Variants in PTPRR observed in about 807,000 individuals in gnomAD.
PTPRR encodes receptor-type tyrosine-protein phosphatase R.
Under a neutral mutation model 77.2 loss-of-function variants are expected in PTPRR, and 38 were observed. That is an observed-to-expected ratio of 0.49 (90% CI 0.38 to 0.65). The LOEUF is 0.65. Ranked by LOEUF, PTPRR falls within the 30% of genes least tolerant of loss-of-function variation. PTPRR has a pLI of 0.00. For missense variants in PTPRR, 744 were observed against 799.2 expected, an observed-to-expected ratio of 0.93 and a Z score of 0.83; for synonymous variants, 299 against 283.1, an observed-to-expected ratio of 1.06 and a Z score of -0.57.
rs145800470 is a variant in PTPRR, at chr12:70,639,211, G to C, written c.1947C>G (p.Ser649Arg). The part of the protein sequence containing the change: ...FVHHALCLYE[S>R]RLSAETVQ ...ACTGGACAGTCTCTGCTGAAAGTCT[G>C]CTCTCATACAGGCACAGAGCATGGT... The change falls in exon 14 of 14, where the codon AGC becomes AGG. Residue 649 changes from serine (S) to arginine (R), a missense_variant. Physicochemically the swap from Ser to Arg is moderately radical, Grantham distance 110. Transcript: ENST00000283228. The C allele has an allele frequency of 9.9e-6, 16 of 1,613,378 alleles. No individual in the cohort carries two copies. The African/African-American group carries it at 1.9e-4, about 19-fold the overall frequency.
At chr12:70,729,229 G>C (rs547475305) in intron 6 of PTPRR, among the ~76,000 whole-genome samples, 1 of 152,094 alleles carries the variant, frequency 6.6e-6, no homozygotes, top group East Asian at 1.9e-4. Context: ...TGCATTTAAT[G>C]AATATATTTA....
intron 4 of PTPRR, 114 bp downstream of exon 4, chr12:70,761,357 A>G: frequency 9.9e-7 from 1 of 1,012,376 alleles, no homozygotes; most frequent in African/African-American, 1.6e-5. Context: ...GGAAATTTTT[A>G]TTATCAAATA....
At chr12:70,879,157 C>G (rs1893105806) in intron 2 of PTPRR, among the ~76,000 whole-genome samples, 1 of 152,042 alleles carries the variant, frequency 6.6e-6, no homozygotes. Context: ...ATGTAAATGA[C>G]TAGTTAATGT....
chr12:70,753,348 A>T (rs577151229), intron 5 of PTPRR, among the ~76,000 whole-genome samples: 1 of 152,196 alleles, frequency 6.6e-6, no homozygotes, highest in Non-Finnish European at 1.5e-5. Flanking sequence ...GGGGCACTTA[A>T]AAACTAAGGA....
At chr12:70,752,529 A>G (rs988062806) in intron 5 of PTPRR, among the ~76,000 whole-genome samples, 1 of 152,156 alleles carries the variant, frequency 6.6e-6, no homozygotes, top group Non-Finnish European at 1.5e-5. Context: ...AGAAATGCAG[A>G]ATCTGAAACA....
chr12:70,641,016 T>G (rs12297160), intron 13 of PTPRR, among the ~76,000 whole-genome samples: 36,805 of 152,144 alleles, frequency 0.24, 6,272 homozygotes, highest in African/African-American at 0.48. Flanking sequence ...TAAGTATTCC[T>G]TGGTCAGAAG....
intron 2 of PTPRR, among the ~76,000 whole-genome samples, chr12:70,848,024 T>C (rs1892513384): frequency 6.6e-6 from 1 of 152,228 alleles, no homozygotes; most frequent in South Asian, 2.1e-4. Context: ...AATAATCTAC[T>C]ATTGCCTAAA....
chr12:70,894,399 C>T (rs1893389781), intron 1 of PTPRR, among the ~76,000 whole-genome samples: 1 of 151,554 alleles, frequency 6.6e-6, no homozygotes, highest in South Asian at 2.1e-4. Context: ...ATACCTTTCC[C>T]AAAGCACAGA....
intron 2 of PTPRR, among the ~76,000 whole-genome samples, chr12:70,837,511 C>A (rs770966932): frequency 2.0e-5 from 3 of 152,042 alleles, no homozygotes; most frequent in Non-Finnish European, 2.9e-5. Context: ...AGCAAGAAAT[C>A]AATTCTAAAG....
At chr12:70,712,271 G>A (rs979917959) in intron 6 of PTPRR, among the ~76,000 whole-genome samples, 5 of 152,024 alleles carry the variant, frequency 3.3e-5, no homozygotes, top group Non-Finnish European at 7.4e-5. Context: ...TTTGATCACC[G>A]TGATCAGATT....
chr12:70,794,817 T>A (rs896419592), intron 2 of PTPRR, among the ~76,000 whole-genome samples: 1 of 152,162 alleles, frequency 6.6e-6, no homozygotes, highest in South Asian at 2.1e-4. Context: ...ATACTACCAC[T>A]GCCAACAACT....
At chr12:70,729,243 A>G (rs1889566538) in intron 6 of PTPRR, among the ~76,000 whole-genome samples, 1 of 152,216 alleles carries the variant, frequency 6.6e-6, no homozygotes, top group South Asian at 2.1e-4. Flanking sequence ...ATATTTAAAT[A>G]TGTTATACAT....
chr12:70,916,820 T>G (rs1176937474), intron 1 of PTPRR, among the ~76,000 whole-genome samples: 1 of 152,184 alleles, frequency 6.6e-6, no homozygotes, highest in South Asian at 2.1e-4. Flanking sequence ...AGTGAAGAGA[T>G]AGTTTCAGGA....
At chr12:70,788,867 C>T in intron 2 of PTPRR, 2 of 1,520,154 alleles carry the variant, frequency 1.3e-6, no homozygotes, top group South Asian at 1.2e-5. Flanking sequence ...CATTTGCACT[C>T]TTCTTTGTGT....
chr12:70,859,713 A>G (rs1193404584), intron 2 of PTPRR, among the ~76,000 whole-genome samples: 2 of 152,036 alleles, frequency 1.3e-5, no homozygotes, highest in African/African-American at 4.8e-5. Flanking sequence ...CAAATATATC[A>G]GCTGAGAGGG....
intron 10 of PTPRR, among the ~76,000 whole-genome samples, chr12:70,676,732 T>C (rs1007796243): frequency 1.3e-5 from 2 of 152,086 alleles, no homozygotes; most frequent in Non-Finnish European, 2.9e-5. Context: ...CCTTTCTTAT[T>C]TCTGGGCTCT....
intron 6 of PTPRR, among the ~76,000 whole-genome samples, chr12:70,714,840 C>G (rs1888960583): frequency 6.6e-6 from 1 of 152,016 alleles, no homozygotes; most frequent in African/African-American, 2.4e-5. Context: ...CAAAAATTCG[C>G]TGGGCATGGT....
chr12:70,848,859 A>G (rs1174059940), intron 2 of PTPRR, among the ~76,000 whole-genome samples: 3 of 152,230 alleles, frequency 2.0e-5, no homozygotes, highest in Admixed American at 2.0e-4. Context: ...CTTTCTGTGT[A>G]GTATCACTCA....
At chr12:70,690,881 A>G (rs554591843) in intron 8 of PTPRR, among the ~76,000 whole-genome samples, 4 of 152,274 alleles carry the variant, frequency 2.6e-5, no homozygotes, top group Non-Finnish European at 5.9e-5. Flanking sequence ...TCGTCTCTTT[A>G]TGATTTCTTT....
Sources: allele counts gnomAD v4.1 joint callset (sites outside exome capture counted in the v4.1 genomes callset), GRCh38; gene constraint gnomAD v4.1.1; transcripts MANE v1.5; gene names NCBI Gene and HGNC (gene_info 2026-07-23, HGNC 2026-07-21).